Variants in DTNBP1 observed in about 807,000 individuals in gnomAD.
DTNBP1 encodes the protein dysbindin.
In DTNBP1, 35 loss-of-function variants were observed where a neutral mutation model predicts 42.8. That is an observed-to-expected ratio of 0.82 (90% confidence interval 0.63 to 1.09). DTNBP1 has a LOEUF of 1.09. Among genes scored for constraint, DTNBP1 ranks in the 50% least tolerant of loss-of-function variants. The probability of loss-of-function intolerance (pLI) is 0.00; values close to 1 mark genes in which losing one functional copy is unlikely to be tolerated. For missense variants in DTNBP1, 457 were observed against 424.2 expected (o/e 1.08, Z -0.68); for synonymous variants, 171 against 162.2 (o/e 1.05, Z -0.41).
chr6:15,620,934 C>T (rs1759007341), intron 5 of DTNBP1, among the ~76,000 whole-genome samples: 1 of 152,070 alleles, frequency 6.6e-6, no homozygotes, highest in South Asian at 2.1e-4. Context: ...AAACTTAATA[C>T]TTGACAGTAA....
chr6:15,558,208 AT>A (rs1283874961), intron 7 of DTNBP1, among the ~76,000 whole-genome samples: 1 of 151,568 alleles, frequency 6.6e-6, no homozygotes, highest in South Asian at 2.1e-4. Context: ...GTCATCCACA[AT>A]TGTCTTGTTT....
rs1383480790 is a variant in DTNBP1 at position 15,613,390 on chromosome 6, G to A, written c.488+1877C>T. Among the ~76,000 whole-genome samples, 7 of 96,202 alleles carry A rather than the reference G, an allele frequency of 7.3e-5. 1 individual carries two copies. Among genetic ancestry groups the A allele is most frequent in the South Asian group, 8.0e-4 (2 of 2,506 alleles). The allele number at this position is 96,202 out of a possible 152,430, so 63.1% of individuals were successfully genotyped here. A position where few individuals can be genotyped will look rare whatever the true frequency, so the allele number is the denominator to read the frequency against. ...TTTTTTTTTTTTTTTTTTTTGAGAC[G>A]GAGTCTTGCTCTGTTGCCCAGGATG... On this transcript the variant is annotated intron_variant, in intron 6 of 9. Coordinates refer to ENST00000344537, the MANE Select transcript of DTNBP1 (RefSeq NM_032122.5).
chr6:15,617,196 T>C lies in DTNBP1; in HGVS notation c.356-1797A>G, dbSNP rs150017403. The stretch of plus-strand genomic sequence containing the variant: ...GATGAAAGATCTCTACAAGACAAAG[T>C]ATAAAACACTAATGAAAGAAGTTGA... On this transcript the variant is annotated intron_variant, in intron 5 of 9. Coordinates refer to ENST00000344537, the MANE Select transcript of DTNBP1 (RefSeq NM_032122.5). Among the ~76,000 whole-genome samples the C allele has an allele frequency of 1.4e-3, 214 of 151,930 alleles. 1 individual carries two copies. Among genetic ancestry groups the C allele is most frequent in the African/African-American group, 4.9e-3 (203 of 41,438 alleles).
At position 15,615,262 on chromosome 6, in the gene DTNBP1, C is replaced by A; in HGVS notation, c.488+5G>T. The A allele has an allele frequency of 1.9e-6, 3 of 1,614,080 alleles. No individual in the cohort carries two copies. The highest frequency in any genetic ancestry group is 2.5e-6 in the Non-Finnish European group (3 of 1,180,006). ...TGAATACTGTGGCAAACTTTTCAAACTCACCTCTTATTTTTCTTGTAATTC... is the reference window on the plus strand; with the variant it reads ...TGAATACTGTGGCAAACTTTTCAAAATCACCTCTTATTTTTCTTGTAATTC... On this transcript the variant is annotated splice_donor_5th_base_variant and intron_variant, in intron 6 of 9. Coordinates refer to ENST00000344537, the MANE Select transcript of DTNBP1 (RefSeq NM_032122.5).
chr6:15,523,253 C>A (rs755307868), intron 9 of DTNBP1, 34 bp from the exon 10 acceptor site: 1 of 1,613,080 alleles, frequency 6.2e-7, no homozygotes. Flanking sequence ...AAAGCCCTGT[C>A]ATAAAAATAT....
intron 7 of DTNBP1, among the ~76,000 whole-genome samples, chr6:15,570,238 TGA>T: frequency 6.6e-6 from 1 of 152,194 alleles, no homozygotes; most frequent in Non-Finnish European, 1.5e-5. Context: ...CCAAGAGGAC[TGA>T]GAGACTCATT....
chr6:15,526,538 G>A (rs1490255675), intron 8 of DTNBP1, among the ~76,000 whole-genome samples: 1 of 152,156 alleles, frequency 6.6e-6, no homozygotes, highest in Non-Finnish European at 1.5e-5. Flanking sequence ...TCCCATGCTT[G>A]GCGGCATCAC....
chr6:15,590,327 C>T (rs1581367198), intron 7 of DTNBP1, among the ~76,000 whole-genome samples: 1 of 152,186 alleles, frequency 6.6e-6, no homozygotes, highest in African/African-American at 2.4e-5. Flanking sequence ...ATCCAACAGG[C>T]TCTCTCCATT....
chr6:15,583,650 A>G (rs1168464637), intron 7 of DTNBP1, among the ~76,000 whole-genome samples: 2 of 152,250 alleles, frequency 1.3e-5, no homozygotes, highest in Non-Finnish European at 2.9e-5. Context: ...TCTGAAAGGT[A>G]TAATTTTTGC....
At chr6:15,546,011 T>G (rs1174959207) in intron 7 of DTNBP1, 2 of 446,512 alleles carry the variant, frequency 4.5e-6, no homozygotes, top group Admixed American at 5.0e-5. Context: ...AGATTTCCCA[T>G]CGCCAGGAGG....
At chr6:15,523,772 A>T in intron 9 of DTNBP1, 1 of 1,287,154 alleles carries the variant, frequency 7.8e-7, no homozygotes, top group Non-Finnish European at 1.0e-6. Context: ...CCTTCTCAGG[A>T]TGAGGGCAAA....
intron 7 of DTNBP1, among the ~76,000 whole-genome samples, chr6:15,565,703 C>T (rs1775040921): frequency 6.6e-6 from 1 of 152,162 alleles, no homozygotes; most frequent in South Asian, 2.1e-4. Flanking sequence ...TTGACTGAAA[C>T]TAGGCAGAAA....
In DTNBP1 at chr6:15,533,243, G is replaced by T. The variant is rs367702294; in HGVS notation, c.664C>A (p.Arg222=). Residue 222 remains arginine (R), a synonymous_variant, in exon 8 of 10, where the codon CGA becomes AGA. Coordinates refer to ENST00000344537, the MANE Select transcript of DTNBP1 (RefSeq NM_032122.5). ...AGCAGCCCCAGCCCCCACTCGCCTC[G>T]CCGCTCTGCAATCTGCAGGTAGCCA... The part of the protein sequence containing the change: ...STGYLQIAER[R]EPIGSMSSME... The T allele has an allele frequency of 6.2e-7, 1 of 1,613,676 alleles. No homozygotes were observed. The highest frequency in any genetic ancestry group is 8.5e-7 in the Non-Finnish European group (1 of 1,179,992).
Position 15,524,688 on chromosome 6 carries a change from G to A in DTNBP1, c.668-19C>T, listed in dbSNP as rs373428008. On this transcript the variant is annotated intron_variant, in intron 8 of 9. Transcript: ENST00000344537. ...ATGGGCTCTGCGGATAGATCAACACGAGAAAGGACACGCTGTCTTTAATAT... is the reference window on the plus strand; with the variant it reads ...ATGGGCTCTGCGGATAGATCAACACAAGAAAGGACACGCTGTCTTTAATAT... The A allele has an allele frequency of 1.2e-4, 190 of 1,611,142 alleles. No individual in the cohort carries two copies. In the Middle Eastern group the frequency reaches 2.0e-3, roughly 17 times the overall value.
At chr6:15,655,924 C>A (rs2619520) in intron 1 of DTNBP1, among the ~76,000 whole-genome samples, 138,500 of 152,240 alleles carry the variant, frequency 0.91, 63,103 homozygotes, top group African/African-American at 0.96. Flanking sequence ...CCACTTATAA[C>A]GTCTGTTTAA....
At chr6:15,636,957 C>T (rs1458186365) in intron 4 of DTNBP1, among the ~76,000 whole-genome samples, 1 of 152,064 alleles carries the variant, frequency 6.6e-6, no homozygotes, top group Non-Finnish European at 1.5e-5. Flanking sequence ...TAGGGCTTTT[C>T]AAAGTATCTA....
intron 6 of DTNBP1, among the ~76,000 whole-genome samples, chr6:15,604,297 C>A (rs1415686664): frequency 6.6e-6 from 1 of 152,184 alleles, no homozygotes; most frequent in Admixed American, 6.5e-5. Flanking sequence ...AAAGTCATTG[C>A]CTGCGGAAAA....
At chr6:15,533,757 T>C (rs1261091698) in intron 7 of DTNBP1, 6 of 453,866 alleles carry the variant, frequency 1.3e-5, no homozygotes, top group South Asian at 8.1e-5. Context: ...TGCTGCTCCA[T>C]CCAGATGTTT....
In DTNBP1 at chr6:15,593,159, A is replaced by G. The variant is rs934964404; in HGVS notation, c.489-78T>C. ...ATGAAAACTGTTCTTCCATCATAAT[A>G]AAAACTTATGTACTTTAAATGCCCA... On this transcript the variant is annotated intron_variant, in intron 6 of 9. Transcript: ENST00000344537. 4 of 1,342,362 alleles carry G rather than the reference A, an allele frequency of 3.0e-6. No homozygotes were observed. In the East Asian group the frequency reaches 7.3e-5, roughly 25 times the overall value. The allele number at this position is 1,342,362 out of a possible 1,614,324, so 83.2% of individuals were successfully genotyped here.
Sources: allele counts gnomAD v4.1 joint callset (sites outside exome capture counted in the v4.1 genomes callset), GRCh38; gene constraint gnomAD v4.1.1; transcripts MANE v1.5; gene names NCBI Gene and HGNC (gene_info 2026-07-23, HGNC 2026-07-21).